The following KIAA0040 variants were observed in gnomAD, a reference collection of about 807,000 sequenced individuals.
KIAA0040 encodes KIAA0040.
Under a neutral mutation model 7.2 loss-of-function variants are expected in KIAA0040, and 10 were observed. The observed-to-expected ratio is 1.38, with a 90% CI of 0.85 to 2.34. The LOEUF is 2.34. Among genes scored for constraint, KIAA0040 ranks in the 30% most tolerant of loss-of-function variants. The pLI is 0.00. For synonymous variants in KIAA0040, 49 were observed against 40.1 expected (o/e 1.22, Z -0.84); for missense variants, 89 against 108.2 (o/e 0.82, Z 0.79).
At chr1:175,164,193 A>G (rs1676662910) in intron 3 of KIAA0040, among the ~76,000 whole-genome samples, 1 of 152,220 alleles carries the variant, frequency 6.6e-6, no homozygotes, top group Admixed American at 6.5e-5. Flanking sequence ...TCAGGAAAAG[A>G]TAACAAGATC....
Position 175,161,184 on chromosome 1 carries a change from G to A in KIAA0040, c.-133-38C>T. 5 of 574,696 alleles carry A rather than the reference G, an allele frequency of 8.7e-6. No individual in the cohort carries two copies. The South Asian group carries it at 1.3e-4, about 15-fold the overall frequency. The allele number at this position is 574,696 out of a possible 1,614,324, so 35.6% of individuals were successfully genotyped here. ...AAACAGACAACTGAAGAGAAATGCAGGGGGACTGGTCTACAATTTTAATAG... is the reference window on the plus strand; with the variant it reads ...AAACAGACAACTGAAGAGAAATGCAAGGGGACTGGTCTACAATTTTAATAG... On this transcript the variant is annotated intron_variant, in intron 3 of 3. Coordinates refer to ENST00000423313, the MANE Select transcript of KIAA0040 (RefSeq NM_014656.3).
intron 2 of KIAA0040, among the ~76,000 whole-genome samples, chr1:175,168,295 C>T (rs1676851562): frequency 6.6e-6 from 1 of 152,100 alleles, no homozygotes; most frequent in South Asian, 2.1e-4. Context: ...TACTTAGACC[C>T]AGCTCTAGGC....
intron 1 of KIAA0040, among the ~76,000 whole-genome samples, chr1:175,190,839 G>C (rs1394156548): frequency 6.6e-6 from 1 of 152,154 alleles, no homozygotes; most frequent in African/African-American, 2.4e-5. Flanking sequence ...CCTATAGGAG[G>C]GAGTTCACCC....
At chr1:175,161,839 G>A (rs1676556285) in intron 3 of KIAA0040, among the ~76,000 whole-genome samples, 1 of 152,100 alleles carries the variant, frequency 6.6e-6, no homozygotes, top group East Asian at 1.9e-4. Context: ...ACCATTTGCT[G>A]GCTTTCCACT....
At position 175,160,902 on chromosome 1, in the gene KIAA0040, A is replaced by T. The variant is rs182096957; in HGVS notation, c.112T>A (p.Leu38Met). The part of the protein sequence containing the change: ...CLGVLLGLPL[L>M]VIITLLFICC... ...ATGAAGAGGAGTGTGATGATCACCA[A>T]GAGTGGCAGGCCCAGGAGGACTCCC... Residue 38 changes from leucine (L) to methionine (M), a missense_variant, in exon 4 of 4, where the codon TTG (leucine) becomes ATG (methionine). Transcript: ENST00000423313. 6.4e-7 allele frequency: 1 copy of T among 1,551,614 alleles called. No homozygotes were observed. Among genetic ancestry groups the T allele is most frequent in the East Asian group, 2.4e-5 (1 of 40,918 alleles).
At chr1:175,188,039 T>C (rs1677729964) in intron 1 of KIAA0040, among the ~76,000 whole-genome samples, 1 of 152,220 alleles carries the variant, frequency 6.6e-6, no homozygotes, top group African/African-American at 2.4e-5. Context: ...ATGTCTGCAG[T>C]GGCTTCTAAA....
In KIAA0040 at chr1:175,160,898, A is replaced by T. The variant is rs554253749; in HGVS notation, c.116T>A (p.Val39Glu). 1 of 1,551,584 alleles carries T rather than the reference A, an allele frequency of 6.4e-7. No individual in the cohort carries two copies. The highest frequency in any genetic ancestry group is 2.4e-5 in the East Asian group (1 of 40,914). The change falls in exon 4 of 4, where the codon GTG becomes GAG. Residue 39 changes from valine (V) to glutamate (E), a missense_variant. Val to Glu is a moderately radical substitution (Grantham distance 121). Coordinates refer to ENST00000423313, the MANE Select transcript of KIAA0040 (RefSeq NM_014656.3). ...ACAGATGAAGAGGAGTGTGATGATC[A>T]CCAAGAGTGGCAGGCCCAGGAGGAC... The part of the protein sequence containing the change: ...LGVLLGLPLL[V>E]IITLLFICCH...
chr1:175,164,960 A>C lies in KIAA0040; in HGVS notation c.-134+1602T>G, dbSNP rs368218600. 7.9e-5 allele frequency among the ~76,000 whole-genome samples: 12 copies of C among 152,364 alleles called. No homozygotes were observed. The South Asian group carries it at 2.1e-3, about 26-fold the overall frequency. ...TGTTAGCTTTTGAATAGCACTGACA[A>C]TGCTTGAAAAGTAATTCATCTATTT... On this transcript the variant is annotated intron_variant, in intron 3 of 3. Coordinates refer to ENST00000423313, the MANE Select transcript of KIAA0040 (RefSeq NM_014656.3).
intron 1 of KIAA0040, among the ~76,000 whole-genome samples, chr1:175,187,376 A>G (rs1270944268): frequency 6.6e-6 from 1 of 152,192 alleles, no homozygotes; most frequent in African/African-American, 2.4e-5. Context: ...GTTTCAGGCC[A>G]GTGTGCATGA....
chr1:175,156,986 T>C lies in KIAA0040; in HGVS notation c.*3728A>G, dbSNP rs1676294212. ...AAAAAAGAAATATGGCAGACATAGCTGAGCTAGTATACCTTTAATTTTATT... is the reference window on the plus strand; with the variant it reads ...AAAAAAGAAATATGGCAGACATAGCCGAGCTAGTATACCTTTAATTTTATT... On this transcript the variant is annotated 3_prime_UTR_variant, in exon 4 of 4. Coordinates refer to ENST00000423313, the MANE Select transcript of KIAA0040 (RefSeq NM_014656.3). The C allele has an allele frequency of 1.3e-5, 2 of 149,598 alleles. No homozygotes were observed. Among genetic ancestry groups the C allele is most frequent in the Admixed American group, 1.3e-4 (2 of 15,022 alleles). 9.3% of individuals were successfully genotyped at this position (149,598 alleles called of 1,614,324 possible).
At chr1:175,172,668 G>A (rs1212740967) in intron 2 of KIAA0040, among the ~76,000 whole-genome samples, 1 of 152,174 alleles carries the variant, frequency 6.6e-6, no homozygotes, top group Non-Finnish European at 1.5e-5. Context: ...TTATTCTTCT[G>A]TAAACAAAGA....
rs1298305173 is a variant in KIAA0040 at position 175,187,223 on chromosome 1, CACCATTCA to C, written c.-384+5409_-384+5416del. 3.9e-4 allele frequency among the ~76,000 whole-genome samples: 60 copies of C among 152,168 alleles called. 1 individual carries two copies. The highest frequency in any genetic ancestry group is 5.7e-4 in the Non-Finnish European group (39 of 68,026). ...ATTGTATGCCTTAAATTCTTAGCAC[CACCATTCA>C]ACAAGCGGTTACTGAGAGCCTAGCA... On this transcript the variant is annotated intron_variant, in intron 1 of 3. Coordinates refer to ENST00000423313, the MANE Select transcript of KIAA0040 (RefSeq NM_014656.3).
chr1:175,178,513 G>A (rs1269259485), intron 1 of KIAA0040, among the ~76,000 whole-genome samples: 1 of 152,194 alleles, frequency 6.6e-6, no homozygotes, highest in Non-Finnish European at 1.5e-5. Context: ...CCATTTGAAG[G>A]ATTTTTCCTG....
At chr1:175,191,870 A>T (rs1677880822) in intron 1 of KIAA0040, among the ~76,000 whole-genome samples, 1 of 152,188 alleles carries the variant, frequency 6.6e-6, no homozygotes, top group Non-Finnish European at 1.5e-5. Flanking sequence ...GTAGCATGGC[A>T]TGCTGGCTGC....
chr1:175,184,963 T>A (rs1180656372), intron 1 of KIAA0040, among the ~76,000 whole-genome samples: 1 of 152,194 alleles, frequency 6.6e-6, no homozygotes, highest in East Asian at 1.9e-4. Context: ...AGCTGCAGAT[T>A]TCCTTTGCAG....
chr1:175,157,989 G>A lies in KIAA0040; in HGVS notation c.*2725C>T, dbSNP rs889237406. 2.0e-5 allele frequency: 3 copies of A among 152,532 alleles called. No individual in the cohort carries two copies. The highest frequency in any genetic ancestry group is 4.4e-5 in the Non-Finnish European group (3 of 68,302). The allele number at this position is 152,532 out of a possible 1,614,324, so 9.4% of individuals were successfully genotyped here. On this transcript the variant is annotated 3_prime_UTR_variant, in exon 4 of 4. Coordinates refer to ENST00000423313, the MANE Select transcript of KIAA0040 (RefSeq NM_014656.3). The stretch of plus-strand genomic sequence containing the variant: ...GGAGTGAAAATGGAGAGGAATAAAG[G>A]GCTGGGGCTGGTCTGGTGCAGGCAG...
rs1221795126 is a variant in KIAA0040 at position 175,160,831 on chromosome 1, C to T, written c.183G>A (p.Gln61=). Reference sequence around the variant, plus strand: ...TCTTCTTCTTCTTGTTCTTCTCTGGCTGCTGGCCCCTCTTGCCTGGTGGGC... The same window carrying T: ...TCTTCTTCTTCTTGTTCTTCTCTGGTTGCTGGCCCCTCTTGCCTGGTGGGC... The part of the protein sequence containing the change: ...CWSPPGKRGQ[Q]PEKNKKKKKK... Residue 61 remains glutamine, a synonymous_variant, in exon 4 of 4, where the codon CAG becomes CAA. Coordinates refer to ENST00000423313, the MANE Select transcript of KIAA0040 (RefSeq NM_014656.3). 1.3e-6 allele frequency: 2 copies of T among 1,551,006 alleles called. No individual in the cohort carries two copies. Among genetic ancestry groups the T allele is most frequent in the Admixed American group, 2.0e-5 (1 of 50,964 alleles).
At chr1:175,188,299 T>C (rs993823790) in intron 1 of KIAA0040, among the ~76,000 whole-genome samples, 2 of 152,180 alleles carry the variant, frequency 1.3e-5, no homozygotes, top group African/African-American at 2.4e-5. Flanking sequence ...TGTCCACTCA[T>C]GTCCCCAGAT....
At chr1:175,168,204 C>T (rs1676847185) in intron 2 of KIAA0040, among the ~76,000 whole-genome samples, 1 of 152,122 alleles carries the variant, frequency 6.6e-6, no homozygotes, top group Non-Finnish European at 1.5e-5. Context: ...GCTCAGGTGC[C>T]CTCTAATAGA....
Sources: gnomAD v4.1 joint callset for allele counts (sites outside exome capture counted in the v4.1 genomes callset) on GRCh38, gnomAD v4.1.1 for gene constraint, MANE v1.5 for transcripts, NCBI Gene and HGNC (gene_info 2026-07-23, HGNC 2026-07-21) for gene names.